Variants in TLN2 observed in about 807,000 individuals in gnomAD.
TLN2 encodes talin-2.
TLN2 carries 118 observed loss-of-function variants against 294.7 expected under a neutral mutation model. The ratio of observed to expected loss-of-function variants is 0.40; its 90% CI spans 0.34 to 0.47. The LOEUF (loss-of-function observed/expected upper bound fraction) is 0.47. TLN2 is among the 20% of genes least tolerant of loss of function. The pLI, the probability that TLN2 is intolerant of heterozygous loss-of-function variation, is 0.84. For synonymous variants in TLN2, 1,431 were observed against 1,304.5 expected, an observed-to-expected ratio of 1.10 and a Z score of -2.09; for missense variants, 3,083 against 3,282.2, an observed-to-expected ratio of 0.94 and a Z score of 1.48.
chr15:62,531,426 C>CA (rs1357326908), intron 1 of TLN2, among the ~76,000 whole-genome samples: 1 of 152,136 alleles, frequency 6.6e-6, no homozygotes, highest in South Asian at 2.1e-4. Flanking sequence ...AGATGATGGT[C>CA]AAAGGGTACG....
intron 12 of TLN2, among the ~76,000 whole-genome samples, chr15:62,688,970 T>A (rs2057532243): frequency 6.6e-6 from 1 of 152,094 alleles, no homozygotes; most frequent in Non-Finnish European, 1.5e-5. Context: ...CAGTTTTAAT[T>A]GGTATATTTA....
At chr15:62,399,444 A>G (rs2032850831) in intron 1 of TLN2, among the ~76,000 whole-genome samples, 1 of 152,050 alleles carries the variant, frequency 6.6e-6, no homozygotes. Context: ...GAAGAGGGCC[A>G]CCATCCTCAC....
intron 24 of TLN2, 55 bp downstream of exon 24, chr15:62,717,744 TAGA>T (rs764490072): frequency 2.8e-5 from 36 of 1,288,518 alleles, no homozygotes; most frequent in Non-Finnish European, 3.7e-5. Context: ...CTGATAACAT[TAGA>T]ACACCAAGTC....
intron 9 of TLN2, among the ~76,000 whole-genome samples, chr15:62,665,734 C>G (rs143893271): frequency 9.7e-4 from 147 of 152,296 alleles, no homozygotes; most frequent in African/African-American, 3.4e-3. Context: ...ACAAGCAAAG[C>G]TTTTGACCCA....
At chr15:62,704,870 T>C (rs2058957098) in intron 19 of TLN2, among the ~76,000 whole-genome samples, 1 of 152,244 alleles carries the variant, frequency 6.6e-6, no homozygotes, top group African/African-American at 2.4e-5. Context: ...GGCAGGTACC[T>C]ATTTAGGAAC....
rs1291530416 is a variant in TLN2, at chr15:62,595,413, A to T, written c.-162+5651A>T. Among the ~76,000 whole-genome samples the T allele has an allele frequency of 6.9e-5, 4 of 57,824 alleles. No homozygotes were observed. The East Asian group carries it at 3.9e-3, about 56-fold the overall frequency. 37.9% of individuals were successfully genotyped at this position (57,824 alleles called of 152,430 possible). ...CCAGCCTGGGTGCAGACTCCGTCTC[A>T]AAAAAAAAAAAAAAAAAAGGATGAA... On this transcript the variant is annotated intron_variant, in intron 2 of 58. Transcript: ENST00000636159.
chr15:62,717,820 G>A, intron 24 of TLN2, 131 bp downstream of exon 24: 1 of 592,850 alleles, frequency 1.7e-6, no homozygotes, highest in South Asian at 3.2e-5. Context: ...CAGTTCCCAT[G>A]TTCCAGGTGT....
intron 24 of TLN2, among the ~76,000 whole-genome samples, chr15:62,719,442 G>T (rs2059986924): frequency 6.6e-6 from 1 of 151,904 alleles, no homozygotes; most frequent in South Asian, 2.1e-4. Flanking sequence ...TTGATTCTAG[G>T]TTTGCAGTGC....
intron 3 of TLN2, among the ~76,000 whole-genome samples, chr15:62,625,750 C>G (rs1465550999): frequency 2.0e-5 from 3 of 152,158 alleles, no homozygotes; most frequent in African/African-American, 7.2e-5. Context: ...TCTCTCAAAT[C>G]CAGGCAATTC....
At chr15:62,738,837 G>A (rs1258593295) in intron 30 of TLN2, among the ~76,000 whole-genome samples, 1 of 152,186 alleles carries the variant, frequency 6.6e-6, no homozygotes, top group Non-Finnish European at 1.5e-5. Flanking sequence ...TAACTCCCTA[G>A]AACTTTTCAC....
intron 2 of TLN2, among the ~76,000 whole-genome samples, chr15:62,598,352 C>T (rs1244365316): frequency 6.6e-6 from 1 of 152,198 alleles, no homozygotes; most frequent in East Asian, 1.9e-4. Flanking sequence ...TTCCACAGAT[C>T]TCTGTCTTTA....
chr15:62,575,417 T>C (rs1428461415), intron 1 of TLN2, among the ~76,000 whole-genome samples: 1 of 152,194 alleles, frequency 6.6e-6, no homozygotes, highest in African/African-American at 2.4e-5. Flanking sequence ...AGGCACGTTT[T>C]AAAAAATCAG....
At chr15:62,398,179 C>A (rs1237771791) in intron 1 of TLN2, among the ~76,000 whole-genome samples, 1 of 152,184 alleles carries the variant, frequency 6.6e-6, no homozygotes, top group Non-Finnish European at 1.5e-5. Flanking sequence ...TATACTCATG[C>A]TATTCTCATG....
At chr15:62,840,443 A>G (rs374575886) in intron 58 of TLN2, 39 bp from the exon 59 acceptor site, 1 of 1,609,884 alleles carries the variant, frequency 6.2e-7, no homozygotes, top group African/African-American at 1.3e-5. Flanking sequence ...GGTTTTCTAC[A>G]AAGTGTTAGG....
chr15:62,607,216 CTCTT>C (rs1211433378), intron 2 of TLN2, among the ~76,000 whole-genome samples: 1 of 152,138 alleles, frequency 6.6e-6, no homozygotes, highest in African/African-American at 2.4e-5. Context: ...GAAAAGATCT[CTCTT>C]CATGCTTAAT....
intron 57 of TLN2, 55 bp from the exon 58 acceptor site, chr15:62,838,801 C>G: frequency 6.3e-7 from 1 of 1,596,470 alleles, no homozygotes; most frequent in South Asian, 1.1e-5. Context: ...TCTATTCTTG[C>G]CAGGCCCAAA....
rs1555435624 is a variant in TLN2 at position 62,582,219 on chromosome 15, C to CACACACAT, written c.-237-7461_-237-7460insTACACACA. Among the ~76,000 whole-genome samples the CACACACAT allele has an allele frequency of 2.4e-4, 33 of 135,392 alleles. 1 individual carries two copies. The highest frequency in any genetic ancestry group is 3.6e-3 in the Middle Eastern group (1 of 280). 88.8% of individuals were successfully genotyped at this position (135,392 alleles called of 152,430 possible). ...ATACACACACACACACACACACACA[C>CACACACAT]ACACACACACACACACACACACACA... On this transcript the variant is annotated intron_variant, in intron 1 of 58. Coordinates refer to ENST00000636159, the MANE Select transcript of TLN2 (RefSeq NM_015059.3).
chr15:62,675,232 G>C lies in TLN2; in HGVS notation c.868G>C (p.Gly290Arg), dbSNP rs755840257. The C allele has an allele frequency of 6.2e-7, 1 of 1,614,226 alleles. No homozygotes were observed. Among genetic ancestry groups the C allele is most frequent in the Admixed American group, 1.7e-5 (1 of 60,024 alleles). Reference protein sequence around the residue: ...KRIFQEHKNCGEMSEIEAKVK... With the variant: ...KRIFQEHKNCREMSEIEAKVK... ...ACTTTTGCAGGAGCATAAGAACTGCGGAGAGATGAGTGAGATAGAAGCCAA... is the reference window on the plus strand; with the variant it reads ...ACTTTTGCAGGAGCATAAGAACTGCCGAGAGATGAGTGAGATAGAAGCCAA... Residue 290 changes from glycine (G) to arginine (R), a missense_variant, in exon 11 of 59, where the codon GGA becomes CGA. By Grantham distance (125) the Gly-to-Arg change is moderately radical. Coordinates refer to ENST00000636159, the MANE Select transcript of TLN2 (RefSeq NM_015059.3).
intron 54 of TLN2, chr15:62,829,255 G>A (rs1208391810): frequency 2.6e-5 from 4 of 151,498 alleles, no homozygotes; most frequent in African/African-American, 7.3e-5. Context: ...ACATACCCAG[G>A]ACTGGGTGAT....
Sources: allele counts gnomAD v4.1 joint callset (sites outside exome capture counted in the v4.1 genomes callset), GRCh38; gene constraint gnomAD v4.1.1; transcripts MANE v1.5; gene names NCBI Gene and HGNC (gene_info 2026-07-23, HGNC 2026-07-21).